Variants in PPFIA2 observed in about 807,000 individuals in gnomAD.
PPFIA2 encodes PPFI scaffold protein A2, also known as liprin-alpha-2.
A neutral mutation model predicts 175.5 loss-of-function variants in PPFIA2; 46 were observed. The ratio of observed to expected loss-of-function variants is 0.26; its 90% CI spans 0.21 to 0.34. The LOEUF (loss-of-function observed/expected upper bound fraction) is 0.34. Among genes scored for constraint, PPFIA2 ranks in the 10% least tolerant of loss-of-function variants. The pLI is 1.00. For synonymous variants in PPFIA2, 568 were observed against 511.4 expected (o/e 1.11, Z -1.49); for missense variants, 1,179 against 1,506.1 (o/e 0.78, Z 3.60).
rs1157007586 is a variant in PPFIA2 at position 81,379,855 on chromosome 12, C to A, written c.985-3913G>T. 3.3e-5 allele frequency among the ~76,000 whole-genome samples: 5 copies of A among 152,214 alleles called. No homozygotes were observed. In the East Asian group the frequency reaches 7.7e-4, roughly 24 times the overall value. ...AATTAGATTGGTGCAAAAGTAATTG[C>A]AGTTTTTGCTATTCAAAGTAATAGT... On this transcript the variant is annotated intron_variant, in intron 9 of 32. Transcript: ENST00000549396.
chr12:81,304,781 C>T (rs113856723), intron 22 of PPFIA2, among the ~76,000 whole-genome samples: 62 of 152,102 alleles, frequency 4.1e-4, no homozygotes, highest in African/African-American at 1.3e-3. Context: ...AAGAGAAAAG[C>T]AAGAACATGT....
intron 3 of PPFIA2, among the ~76,000 whole-genome samples, chr12:81,683,745 C>T (rs929582755): frequency 6.6e-6 from 1 of 151,878 alleles, no homozygotes; most frequent in Non-Finnish European, 1.5e-5. Flanking sequence ...TTTTGTGTTG[C>T]TATAAAGGAT....
chr12:81,391,071 C>T (rs1296884023), intron 8 of PPFIA2, among the ~76,000 whole-genome samples: 1 of 151,824 alleles, frequency 6.6e-6, no homozygotes, highest in Admixed American at 6.6e-5. Context: ...ACTTTTCTGA[C>T]ATCAAGGCAA....
chr12:81,540,432 C>T (rs2066031322), intron 4 of PPFIA2, among the ~76,000 whole-genome samples: 1 of 151,952 alleles, frequency 6.6e-6, no homozygotes, highest in Non-Finnish European at 1.5e-5. Flanking sequence ...TGTAAACTTA[C>T]CACAAAGGCT....
chr12:81,657,652 A>C (rs1003090182), intron 4 of PPFIA2, among the ~76,000 whole-genome samples: 1 of 152,226 alleles, frequency 6.6e-6, no homozygotes, highest in African/African-American at 2.4e-5. Flanking sequence ...TATTTTCTAA[A>C]TAAATTTGGC....
At position 81,266,879 on chromosome 12, in the gene PPFIA2, C is replaced by T. The variant is rs1202307031; in HGVS notation, c.3555+73G>A. On this transcript the variant is annotated intron_variant, in intron 30 of 32. Coordinates refer to ENST00000549396, the MANE Select transcript of PPFIA2 (RefSeq NM_003625.5). ...ATTTGATTAATTTCCAAGCACTATT[C>T]CTTAAAAACAAAGATGTTCTATCAT... is the stretch of plus-strand genomic sequence containing the variant. 3 of 1,060,310 alleles carry T rather than the reference C, an allele frequency of 2.8e-6. No individual in the cohort carries two copies. In the African/African-American group the frequency reaches 4.7e-5, roughly 17 times the overall value. The allele number at this position is 1,060,310 out of a possible 1,614,324, so 65.7% of individuals were successfully genotyped here. A position where few individuals can be genotyped will look rare whatever the true frequency, so the allele number is the denominator to read the frequency against.
intron 4 of PPFIA2, among the ~76,000 whole-genome samples, chr12:81,582,427 G>C (rs2074556765): frequency 6.6e-6 from 1 of 151,436 alleles, no homozygotes; most frequent in Admixed American, 6.6e-5. Context: ...ATACTAACTG[G>C]CTATATTAAT....
At chr12:81,591,054 C>G (rs531176341) in intron 4 of PPFIA2, among the ~76,000 whole-genome samples, 2 of 152,204 alleles carry the variant, frequency 1.3e-5, no homozygotes, top group African/African-American at 4.8e-5. Flanking sequence ...ATGACTTTGA[C>G]CAAAATGCTG....
At position 81,718,056 on chromosome 12, in the gene PPFIA2, G is replaced by C. The variant is rs79651967; in HGVS notation, c.249+35917C>G. Among the ~76,000 whole-genome samples the C allele has an allele frequency of 3.9e-3, 588 of 151,678 alleles. 5 individuals carry two copies. The highest frequency in any genetic ancestry group is 0.013 in the African/African-American group (536 of 41,458). On this transcript the variant is annotated intron_variant, in intron 3 of 32. Coordinates refer to ENST00000549396, the MANE Select transcript of PPFIA2 (RefSeq NM_003625.5). ...GCCTGAGGGTAATGCTTCCAAGGGA[G>C]ACAGGAACATTCCTGAGTGGTCATT...
intron 14 of PPFIA2, among the ~76,000 whole-genome samples, chr12:81,363,272 A>T (rs536286023): frequency 3.6e-4 from 54 of 151,212 alleles, no homozygotes; most frequent in South Asian, 3.6e-3. Flanking sequence ...GGATTTTTTT[A>T]AAAAATATTA....
intron 17 of PPFIA2, 51 bp downstream of exon 17, chr12:81,353,068 A>G (rs1372429119): frequency 6.7e-7 from 1 of 1,497,634 alleles, no homozygotes; most frequent in East Asian, 2.3e-5. Flanking sequence ...TTTTTAGTAC[A>G]GTATCAAGGT....
At chr12:81,625,516 T>C (rs1379563658) in intron 4 of PPFIA2, among the ~76,000 whole-genome samples, 1 of 151,628 alleles carries the variant, frequency 6.6e-6, no homozygotes, top group Admixed American at 6.6e-5. Context: ...TCTGATACAT[T>C]GTGTAGTTGA....
chr12:81,744,589 A>AT, intron 3 of PPFIA2, among the ~76,000 whole-genome samples: 1 of 151,588 alleles, frequency 6.6e-6, no homozygotes, highest in Middle Eastern at 3.4e-3. Context: ...TGCCCCGCTA[A>AT]TTTTTTTTGT....
In PPFIA2 at chr12:81,446,699, A is replaced by G. The variant is rs143459869; in HGVS notation, c.406-979T>C. Among the ~76,000 whole-genome samples the G allele has an allele frequency of 4.2e-3, 646 of 152,344 alleles. 5 individuals carry two copies. The highest frequency in any genetic ancestry group is 0.015 in the African/African-American group (615 of 41,582). ...GAAGAAAATAAAGCAGAAATTACCC[A>G]AACAAAAGATTTAAAAACAGATATA... On this transcript the variant is annotated intron_variant, in intron 5 of 32. Transcript: ENST00000549396.
intron 4 of PPFIA2, among the ~76,000 whole-genome samples, chr12:81,651,842 ATC>A (rs1268762451): frequency 6.6e-6 from 1 of 152,094 alleles, no homozygotes; most frequent in African/African-American, 2.4e-5. Flanking sequence ...AAGAAATATT[ATC>A]TGTTTTGTTC....
chr12:81,323,803 C>T (rs767720431), intron 22 of PPFIA2, among the ~76,000 whole-genome samples: 135 of 152,066 alleles, frequency 8.9e-4, no homozygotes, highest in Non-Finnish European at 6.2e-4. Flanking sequence ...ATGCAAATTC[C>T]GAATAGGTGT....
At position 81,329,989 on chromosome 12, in the gene PPFIA2, G is replaced by A. The variant is rs147075444; in HGVS notation, c.2549-4119C>T. ...TGCTACAAAATGTAGGGCTTGCGAA[G>A]GCTCAGGGCTCAGGGCACAGGAAGG... On this transcript the variant is annotated intron_variant, in intron 21 of 32. Coordinates refer to ENST00000549396, the MANE Select transcript of PPFIA2 (RefSeq NM_003625.5). Among the ~76,000 whole-genome samples the A allele has an allele frequency of 9.8e-5, 15 of 152,304 alleles. No homozygotes were observed. The East Asian group carries it at 2.9e-3, about 30-fold the overall frequency.
chr12:81,363,192 G>A (rs1264771924), intron 14 of PPFIA2, among the ~76,000 whole-genome samples: 1 of 151,434 alleles, frequency 6.6e-6, no homozygotes, highest in Non-Finnish European at 1.5e-5. Context: ...GGAAAAAGAT[G>A]ATTGGATTGA....
chr12:81,352,210 T>C (rs2060130479), intron 17 of PPFIA2, among the ~76,000 whole-genome samples: 1 of 151,870 alleles, frequency 6.6e-6, no homozygotes, highest in South Asian at 2.1e-4. Context: ...AATCTTTCTT[T>C]AGTAAAGGCT....
Sources: gnomAD v4.1 joint callset for allele counts (sites outside exome capture counted in the v4.1 genomes callset) on GRCh38, gnomAD v4.1.1 for gene constraint, MANE v1.5 for transcripts, NCBI Gene and HGNC (gene_info 2026-07-23, HGNC 2026-07-21) for gene names.